Variants in RBFOX3 observed in about 807,000 individuals in gnomAD.
RBFOX3 encodes RNA binding fox-1 homolog 3, also known as RNA binding protein fox-1 homolog 3.
Under a neutral mutation model 48.7 loss-of-function variants are expected in RBFOX3, and 17 were observed. The ratio of observed to expected loss-of-function variants is 0.35; its 90% CI spans 0.24 to 0.52. RBFOX3 has a LOEUF of 0.52. Among genes scored for constraint, RBFOX3 ranks in the 20% least tolerant of loss-of-function variants. RBFOX3 has a pLI of 0.94. For missense variants in RBFOX3, 382 were observed against 497.5 expected (o/e 0.77, Z 2.21); for synonymous variants, 212 against 209.5 (o/e 1.01, Z -0.10).
chr17:79,631,155 C>G, the RBFOX3 span, among the ~76,000 whole-genome samples: 1 of 152,140 alleles, frequency 6.6e-6, no homozygotes, highest in Non-Finnish European at 1.5e-5. Flanking sequence ...TGGGGTGGGA[C>G]TCGCATCAGG....
intron 2 of RBFOX3, among the ~76,000 whole-genome samples, chr17:79,415,667 C>T (rs573216021): frequency 2.0e-5 from 3 of 152,332 alleles, no homozygotes; most frequent in Admixed American, 6.5e-5. Context: ...GGCTCAGTTA[C>T]GATGGGCACA....
chr17:79,164,873 C>G (rs1050665595), intron 4 of RBFOX3, among the ~76,000 whole-genome samples: 2 of 152,198 alleles, frequency 1.3e-5, no homozygotes, highest in African/African-American at 2.4e-5. Flanking sequence ...CCCTTAACTT[C>G]CCTCGCCCCT....
At position 79,352,099 on chromosome 17, in the gene RBFOX3, C is replaced by T. The variant is rs546809432; in HGVS notation, c.-174-44275G>A. 3.9e-4 allele frequency among the ~76,000 whole-genome samples: 59 copies of T among 152,248 alleles called. 1 individual carries two copies. The South Asian group carries it at 0.011, about 28-fold the overall frequency. The stretch of plus-strand genomic sequence containing the variant: ...AGCACCCACCTCCTTCTGTGTCCTG[C>T]CTTTTCCTCCTTTCAAGGGAAGTTG... On this transcript the variant is annotated intron_variant, in intron 2 of 14. Coordinates refer to ENST00000693108, the MANE Select transcript of RBFOX3 (RefSeq NM_001350451.2).
chr17:79,300,578 T>A (rs149726017), intron 3 of RBFOX3, among the ~76,000 whole-genome samples: 18 of 152,304 alleles, frequency 1.2e-4, no homozygotes, highest in African/African-American at 4.1e-4. Flanking sequence ...GATCTACCAG[T>A]CAGTCAGTGA....
chr17:79,436,114 C>G (rs2069395151), intron 2 of RBFOX3, among the ~76,000 whole-genome samples: 1 of 152,210 alleles, frequency 6.6e-6, no homozygotes, highest in South Asian at 2.1e-4. Flanking sequence ...GTCTACACCA[C>G]AGAGCGGGGT....
intron 5 of RBFOX3, among the ~76,000 whole-genome samples, chr17:79,109,396 ACT>A (rs1245088547): frequency 6.6e-6 from 1 of 151,950 alleles, no homozygotes; most frequent in African/African-American, 2.4e-5. Flanking sequence ...AGGGCAGCTG[ACT>A]CTGGCTCGAC....
intron 3 of RBFOX3, among the ~76,000 whole-genome samples, chr17:79,288,118 C>G (rs1261232230): frequency 6.6e-6 from 1 of 152,136 alleles, no homozygotes; most frequent in African/African-American, 2.4e-5. Flanking sequence ...CTCAGTGAAG[C>G]CTCTGATCTC....
At chr17:79,396,486 G>A (rs1428429187) in intron 2 of RBFOX3, among the ~76,000 whole-genome samples, 2 of 152,166 alleles carry the variant, frequency 1.3e-5, no homozygotes, top group African/African-American at 4.8e-5. Context: ...GAAGAATTAA[G>A]GGTTTCTTTC....
At position 79,205,478 on chromosome 17, in the gene RBFOX3, A is replaced by G. The variant is rs1404303396; in HGVS notation, c.-34+30288T>C. 1.3e-5 allele frequency among the ~76,000 whole-genome samples: 2 copies of G among 152,148 alleles called. No individual in the cohort carries two copies. The highest frequency in any genetic ancestry group is 2.9e-5 in the Non-Finnish European group (2 of 68,016). On this transcript the variant is annotated intron_variant, in intron 4 of 14. Transcript: ENST00000693108. This position sits in a 1 kb window ranked among gnomAD's most constrained non-coding sequence, Gnocchi z 4.5. ...TGAGTTCCCTGACGTAGGAGTGCCA[A>G]ATGGGAGCCTATAAAACCTCCCTAA...
chr17:79,337,459 G>A (rs2081371791), intron 2 of RBFOX3, among the ~76,000 whole-genome samples: 1 of 152,178 alleles, frequency 6.6e-6, no homozygotes, highest in Non-Finnish European at 1.5e-5. Flanking sequence ...TACAAGAAGA[G>A]CCCATTCACA....
intron 4 of RBFOX3, among the ~76,000 whole-genome samples, chr17:79,186,012 T>C (rs1329399350): frequency 6.6e-6 from 1 of 151,916 alleles, no homozygotes; most frequent in Non-Finnish European, 1.5e-5. Context: ...CCAGGGAAGG[T>C]TTCCTGGACC....
At chr17:79,562,375 T>C (rs1271520862) in intron 1 of RBFOX3, among the ~76,000 whole-genome samples, 1 of 152,142 alleles carries the variant, frequency 6.6e-6, no homozygotes, top group African/African-American at 2.4e-5. Flanking sequence ...CTTTTTTTCT[T>C]CCTCTCCCCT....
At chr17:79,396,707 C>T (rs1207024067) in intron 2 of RBFOX3, among the ~76,000 whole-genome samples, 3 of 152,226 alleles carry the variant, frequency 2.0e-5, no homozygotes, top group African/African-American at 4.8e-5. Context: ...ACCTACTGCT[C>T]GGAGGGATGA....
rs1175145859 is a variant in RBFOX3, at chr17:79,096,797, T to C, written c.792A>G (p.Pro264=). The change falls in exon 12 of 15, where the codon CCA becomes CCG. Residue 264 remains proline, a synonymous_variant. Transcript: ENST00000693108. ...LEQTLVKMPV[P]WAGLAPCPLP... ...GGGGGCACGGTGCCAGCCCCGCCCA[T>C]GGGACTGGCATTTTAACAAGCGTTT... 4 of 978,740 alleles carry C rather than the reference T, an allele frequency of 4.1e-6. No individual in the cohort carries two copies. The highest frequency in any genetic ancestry group is 4.0e-5 in the Admixed American group (2 of 49,462). 60.6% of individuals were successfully genotyped at this position (978,740 alleles called of 1,614,324 possible).
chr17:79,596,925 C>T (rs913042173), intron 1 of RBFOX3, among the ~76,000 whole-genome samples: 6 of 152,176 alleles, frequency 3.9e-5, no homozygotes, highest in African/African-American at 9.7e-5. Flanking sequence ...CCTATGGCTT[C>T]GCTATGTTCC....
At chr17:79,638,827 T>A in the RBFOX3 span, among the ~76,000 whole-genome samples, 1 of 152,180 alleles carries the variant, frequency 6.6e-6, no homozygotes, top group Non-Finnish European at 1.5e-5. Context: ...CCAGCTCCCC[T>A]TCACCTTCTA....
chr17:79,620,171 A>ACG, the RBFOX3 span, among the ~76,000 whole-genome samples: 2 of 139,986 alleles, frequency 1.4e-5, no homozygotes, highest in Non-Finnish European at 3.0e-5. Flanking sequence ...ACATGCACAC[A>ACG]CATGCACACA....
intron 1 of RBFOX3, among the ~76,000 whole-genome samples, chr17:79,580,807 G>C (rs1372600136): frequency 6.6e-6 from 1 of 152,150 alleles, no homozygotes; most frequent in East Asian, 1.9e-4. Flanking sequence ...ACGACTTCCA[G>C]CCCCATATCA....
At chr17:79,608,668 C>A (rs2093894433) in intron 1 of RBFOX3, among the ~76,000 whole-genome samples, 1 of 152,206 alleles carries the variant, frequency 6.6e-6, no homozygotes. Flanking sequence ...CTTCAGTGGT[C>A]CCCACGTCAC....
Sources: gnomAD v4.1 joint callset for allele counts (sites outside exome capture counted in the v4.1 genomes callset) on GRCh38, gnomAD v4.1.1 for gene constraint, Gnocchi (gnomAD v3.1) non-coding constraint, MANE v1.5 for transcripts, NCBI Gene and HGNC (gene_info 2026-07-23, HGNC 2026-07-21) for gene names.